SIPA1L1: variants seen among roughly 807,000 people sequenced by gnomAD.
SIPA1L1 encodes the protein signal induced proliferation associated 1 like 1, also known as signal-induced proliferation-associated 1-like protein 1.
A neutral mutation model predicts 162.7 loss-of-function variants in SIPA1L1; 26 were observed. The ratio of observed to expected loss-of-function variants is 0.16; its 90% CI spans 0.12 to 0.22. SIPA1L1 has a LOEUF of 0.22. SIPA1L1 is among the 10% of genes least tolerant of loss of function. The probability of loss-of-function intolerance (pLI) is 1.00; values close to 1 mark genes in which losing one functional copy is unlikely to be tolerated. For missense variants in SIPA1L1, 1,874 were observed against 2,241.0 expected (o/e 0.84, Z 3.31); for synonymous variants, 829 against 837.4 (o/e 0.99, Z 0.17).
At chr14:71,639,908 T>C (rs74531465) in intron 7 of SIPA1L1, among the ~76,000 whole-genome samples, 1 of 152,036 alleles carries the variant, frequency 6.6e-6, no homozygotes, top group Admixed American at 6.6e-5. Context: ...GTTTTTTTGT[T>C]TTTTTGTTTT....
chr14:71,666,179 C>T (rs117120224), intron 10 of SIPA1L1, among the ~76,000 whole-genome samples: 207 of 152,084 alleles, frequency 1.4e-3, no homozygotes, highest in Non-Finnish European at 2.5e-3. Context: ...TTTTTGCTAC[C>T]CCCTAAAAAA....
chr14:71,476,943 C>T (rs115865094), intron 2 of SIPA1L1, among the ~76,000 whole-genome samples: 2,752 of 152,132 alleles, frequency 0.018, 31 homozygotes, highest in African/African-American at 0.027. Flanking sequence ...CCCCATAACT[C>T]TTCTACCTCG....
chr14:71,652,763 A>G, intron 8 of SIPA1L1, among the ~76,000 whole-genome samples: 1 of 152,012 alleles, frequency 6.6e-6, no homozygotes. Context: ...CGTCCAGTGA[A>G]ATTTCCATTT....
chr14:71,342,979 T>G (rs1044785056), intron 2 of SIPA1L1, among the ~76,000 whole-genome samples: 1 of 152,246 alleles, frequency 6.6e-6, no homozygotes, highest in Non-Finnish European at 1.5e-5. Flanking sequence ...GCCTTCTAAA[T>G]GGCAGAGAGC....
intron 2 of SIPA1L1, among the ~76,000 whole-genome samples, chr14:71,411,820 C>T (rs2042427460): frequency 6.6e-6 from 1 of 152,202 alleles, no homozygotes; most frequent in African/African-American, 2.4e-5. Context: ...CCTGTGTACA[C>T]TGAGGATTCA....
chr14:71,407,450 TTC>T (rs1259436991), intron 2 of SIPA1L1, among the ~76,000 whole-genome samples: 1 of 148,542 alleles, frequency 6.7e-6, no homozygotes, highest in African/African-American at 2.5e-5. Flanking sequence ...CCTCCCTTTC[TTC>T]TCTCCCTCCC....
At chr14:71,390,839 C>T (rs577503059) in intron 2 of SIPA1L1, among the ~76,000 whole-genome samples, 81 of 152,160 alleles carry the variant, frequency 5.3e-4, no homozygotes, top group African/African-American at 1.8e-3. Context: ...GCTTGCGTGT[C>T]CCTTCCTCCA....
chr14:71,529,348 G>A lies in SIPA1L1; in HGVS notation c.-325G>A, dbSNP rs530876272. The A allele has an allele frequency of 2.4e-4, 164 of 678,048 alleles. 2 individuals carry two copies. Among genetic ancestry groups the A allele is most frequent in the African/African-American group, 2.3e-3 (132 of 56,340 alleles). 42.0% of individuals were successfully genotyped at this position (678,048 alleles called of 1,614,324 possible). On this transcript the variant is annotated 5_prime_UTR_variant, in exon 4 of 24. Coordinates refer to ENST00000381232, the MANE Select transcript of SIPA1L1 (RefSeq NM_001386936.1). ...TTGGTGTGGACGTTGTCTAAATTTC[G>A]GTAGCCATGGCACAAGAATATAGTA...
At chr14:71,368,193 G>A (rs1248821626) in intron 2 of SIPA1L1, among the ~76,000 whole-genome samples, 1 of 133,928 alleles carries the variant, frequency 7.5e-6, no homozygotes, top group Non-Finnish European at 1.6e-5. Context: ...AAGTTTTAGG[G>A]TACATGTGCA....
intron 12 of SIPA1L1, among the ~76,000 whole-genome samples, chr14:71,677,324 G>C: frequency 6.6e-6 from 1 of 152,114 alleles, no homozygotes; most frequent in Non-Finnish European, 1.5e-5. Flanking sequence ...GGGGTTGTTT[G>C]ATTTTTTCTT....
At chr14:71,340,030 G>A (rs576991041) in intron 2 of SIPA1L1, among the ~76,000 whole-genome samples, 7 of 152,304 alleles carry the variant, frequency 4.6e-5, no homozygotes, top group African/African-American at 1.7e-4. Context: ...AGCATATTTT[G>A]TTGGGAATGC....
chr14:71,370,633 G>C (rs1340063178), intron 2 of SIPA1L1, among the ~76,000 whole-genome samples: 1 of 152,124 alleles, frequency 6.6e-6, no homozygotes, highest in East Asian at 1.9e-4. Context: ...TATGTACTAA[G>C]AGCATACATT....
intron 7 of SIPA1L1, among the ~76,000 whole-genome samples, chr14:71,626,001 T>C (rs1269156513): frequency 2.0e-5 from 3 of 152,174 alleles, no homozygotes; most frequent in Non-Finnish European, 4.4e-5. Flanking sequence ...TATTTTATAG[T>C]CCTATCCACA....
intron 8 of SIPA1L1, 116 bp from the exon 9 acceptor site, chr14:71,658,217 A>G: frequency 1.2e-5 from 8 of 642,606 alleles, no homozygotes; most frequent in Non-Finnish European, 2.1e-5. Context: ...CTTGTCTAGA[A>G]TCTTTTCATC....
chr14:71,338,933 T>C (rs2035367135), intron 2 of SIPA1L1, among the ~76,000 whole-genome samples: 2 of 152,016 alleles, frequency 1.3e-5, no homozygotes, highest in Admixed American at 6.6e-5. Flanking sequence ...AGAGATGGCG[T>C]TTCACCATGT....
At chr14:71,480,210 G>A (rs2048238321) in intron 2 of SIPA1L1, among the ~76,000 whole-genome samples, 1 of 151,514 alleles carries the variant, frequency 6.6e-6, no homozygotes. Context: ...AGCCTCCCAA[G>A]TAGCTGGGAT....
intron 6 of SIPA1L1, among the ~76,000 whole-genome samples, chr14:71,623,695 C>CATACTAA (rs2039679290): frequency 6.6e-6 from 1 of 152,076 alleles, no homozygotes; most frequent in Non-Finnish European, 1.5e-5. Context: ...GGGGTTCTGC[C>CATACTAA]TTCTTAATTT....
At chr14:71,600,831 T>TTTTTTG (rs1190480364) in intron 5 of SIPA1L1, among the ~76,000 whole-genome samples, 3 of 152,154 alleles carry the variant, frequency 2.0e-5, no homozygotes, top group Non-Finnish European at 4.4e-5. Flanking sequence ...TCTTTTCTTG[T>TTTTTTG]TTTTTGTTTT....
chr14:71,458,740 A>T (rs987351934), intron 2 of SIPA1L1, among the ~76,000 whole-genome samples: 1 of 152,084 alleles, frequency 6.6e-6, no homozygotes, highest in Non-Finnish European at 1.5e-5. Context: ...CTCCCTTGAC[A>T]TTGCAGTAAC....
Sources: gnomAD v4.1 joint callset for allele counts (sites outside exome capture counted in the v4.1 genomes callset) on GRCh38, gnomAD v4.1.1 for gene constraint, MANE v1.5 for transcripts, NCBI Gene and HGNC (gene_info 2026-07-23, HGNC 2026-07-21) for gene names.